LIMD1: variants seen among roughly 807,000 people sequenced by gnomAD.
LIMD1 encodes LIM domain containing 1, also known as LIM domain-containing protein 1.
A neutral mutation model predicts 58.4 loss-of-function variants in LIMD1; 23 were observed. That is an observed-to-expected ratio of 0.39 (90% confidence interval 0.28 to 0.56). LIMD1 has a LOEUF of 0.56. Among genes scored for constraint, LIMD1 ranks in the 20% least tolerant of loss-of-function variants. The pLI, the probability that LIMD1 is intolerant of heterozygous loss-of-function variation, is 0.57. For synonymous variants in LIMD1, 334 were observed against 345.5 expected, an observed-to-expected ratio of 0.97 and a Z score of 0.37; for missense variants, 838 against 855.5, an observed-to-expected ratio of 0.98 and a Z score of 0.25.
intron 1 of LIMD1, among the ~76,000 whole-genome samples, chr3:45,634,651 C>T (rs1413762305): frequency 6.6e-6 from 1 of 152,218 alleles, no homozygotes; most frequent in Non-Finnish European, 1.5e-5. Context: ...CATTTTCTAG[C>T]CCAACATCGG....
chr3:45,612,515 T>A (rs1575345555), intron 1 of LIMD1, among the ~76,000 whole-genome samples: 1 of 152,066 alleles, frequency 6.6e-6, no homozygotes, highest in East Asian at 1.9e-4. Context: ...CACTTCTTGA[T>A]AGGAGGAGTG....
intron 2 of LIMD1, among the ~76,000 whole-genome samples, chr3:45,664,436 C>A (rs953310054): frequency 2.0e-5 from 3 of 152,168 alleles, no homozygotes; most frequent in African/African-American, 7.2e-5. Context: ...AAGTATGAAG[C>A]TGACTTAGCT....
At chr3:45,674,787 A>G (rs922613266) in intron 7 of LIMD1, among the ~76,000 whole-genome samples, 4 of 152,062 alleles carry the variant, frequency 2.6e-5, no homozygotes, top group African/African-American at 7.2e-5. Context: ...AGGCTGTTCT[A>G]TCTGCCTGAA....
In LIMD1 at chr3:45,636,219, A is replaced by G. The variant is rs764021392; in HGVS notation, c.1478A>G (p.Tyr493Cys). 12 of 1,612,984 alleles carry G rather than the reference A, an allele frequency of 7.4e-6. No homozygotes were observed. Among genetic ancestry groups the G allele is most frequent in the Non-Finnish European group, 1.0e-5 (12 of 1,179,520 alleles). Residue 493 changes from tyrosine to cysteine, a missense_variant, in exon 2 of 8, where the codon TAC becomes TGC. Transcript: ENST00000273317. ...GQACQAMGNL[Y>C]HDTCFTCAAC... is the part of the protein sequence containing the mutation. ...GCCTGTCAGGCCATGGGGAACCTCT[A>G]CCATGACACATGCTTCACCTGTGCA...
rs914406150 is a variant in LIMD1, at chr3:45,677,800, G to C, written c.*741G>C. Reference sequence around the variant, plus strand: ...CCTATGTGAGTAAAACATACTTTGGGAGAAGAACTTGGTGCAGGCACCAGG... The same window carrying C: ...CCTATGTGAGTAAAACATACTTTGGCAGAAGAACTTGGTGCAGGCACCAGG... On this transcript the variant is annotated 3_prime_UTR_variant, in exon 8 of 8. Transcript: ENST00000273317. 3 of 152,186 alleles carry C rather than the reference G, an allele frequency of 2.0e-5. No homozygotes were observed. Among genetic ancestry groups the C allele is most frequent in the Non-Finnish European group, 4.4e-5 (3 of 68,042 alleles). The allele number at this position is 152,186 out of a possible 1,614,324, so 9.4% of individuals were successfully genotyped here. A position where few individuals can be genotyped will look rare whatever the true frequency, so the allele number is the denominator to read the frequency against.
chr3:45,635,818 A>T (rs1293712107), intron 1 of LIMD1: 2 of 866,982 alleles, frequency 2.3e-6, no homozygotes, highest in Non-Finnish European at 2.8e-6. Context: ...TGATGGTGCA[A>T]TCTTTCTGAA....
At chr3:45,662,506 C>T (rs1031785713) in intron 2 of LIMD1, among the ~76,000 whole-genome samples, 1 of 152,098 alleles carries the variant, frequency 6.6e-6, no homozygotes, top group Non-Finnish European at 1.5e-5. Context: ...CCAGAATGCA[C>T]AGACATTTTT....
chr3:45,608,468 C>A (rs1194104420), intron 1 of LIMD1, among the ~76,000 whole-genome samples: 1 of 152,134 alleles, frequency 6.6e-6, no homozygotes, highest in Non-Finnish European at 1.5e-5. Flanking sequence ...AGTGAAGAAG[C>A]CTGAGTTGGG....
In LIMD1 at chr3:45,660,572, T is replaced by C. The variant is rs985686099; in HGVS notation, c.1511-5078T>C. ...CTAGGATTATAGGCGCGTGCCACCA[T>C]GCCAAGCTAATTTTTGTATTTTTAG... On this transcript the variant is annotated intron_variant, in intron 2 of 7. Coordinates refer to ENST00000273317, the MANE Select transcript of LIMD1 (RefSeq NM_014240.3). 2.0e-5 allele frequency among the ~76,000 whole-genome samples: 3 copies of C among 152,236 alleles called. No individual in the cohort carries two copies. The East Asian group carries it at 5.8e-4, about 29-fold the overall frequency.
At chr3:45,601,224 AGAG>A (rs1701408653) in intron 1 of LIMD1, among the ~76,000 whole-genome samples, 1 of 152,176 alleles carries the variant, frequency 6.6e-6, no homozygotes. Context: ...AGGAGTGGGT[AGAG>A]GAGAGCTGAG....
chr3:45,631,275 G>T (rs1701730683), intron 1 of LIMD1, among the ~76,000 whole-genome samples: 1 of 151,392 alleles, frequency 6.6e-6, no homozygotes. Flanking sequence ...CTGCACTCCA[G>T]CCTGGCGACA....
At chr3:45,660,071 C>A (rs963237889) in intron 2 of LIMD1, among the ~76,000 whole-genome samples, 4 of 152,214 alleles carry the variant, frequency 2.6e-5, no homozygotes, top group Admixed American at 6.5e-5. Flanking sequence ...TTACACAAAA[C>A]GTTGATTTCC....
chr3:45,665,454 C>T (rs1697503409), intron 2 of LIMD1, among the ~76,000 whole-genome samples, 196 bp from the exon 3 acceptor site: 1 of 152,158 alleles, frequency 6.6e-6, no homozygotes, highest in African/African-American at 2.4e-5. Flanking sequence ...TGCCAGGGCA[C>T]CCTTCCTCCC....
chr3:45,602,269 C>T (rs766498908), intron 1 of LIMD1, among the ~76,000 whole-genome samples: 1 of 152,020 alleles, frequency 6.6e-6, no homozygotes, highest in Non-Finnish European at 1.5e-5. Flanking sequence ...CTTTTGTGTC[C>T]CCTGGACCTG....
In LIMD1 at chr3:45,685,061, T is replaced by C. The variant is rs559911591; in HGVS notation, c.*8002T>C. The C allele has an allele frequency of 6.6e-6, 1 of 151,694 alleles. No individual in the cohort carries two copies. The highest frequency in any genetic ancestry group is 2.1e-4 in the South Asian group (1 of 4,826). The allele number at this position is 151,694 out of a possible 1,614,324, so 9.4% of individuals were successfully genotyped here. On this transcript the variant is annotated 3_prime_UTR_variant, in exon 8 of 8. Coordinates refer to ENST00000273317, the MANE Select transcript of LIMD1 (RefSeq NM_014240.3). ...CCCTAAAAGTAGGTTGTAGAGATTA[T>C]TTGGATGTGCCAACAAGCTTCATCT...
At chr3:45,624,436 G>C (rs780744875) in intron 1 of LIMD1, among the ~76,000 whole-genome samples, 3 of 152,072 alleles carry the variant, frequency 2.0e-5, no homozygotes, top group Non-Finnish European at 4.4e-5. Context: ...GGCCAGGCGC[G>C]GTGTCTCACG....
intron 2 of LIMD1, among the ~76,000 whole-genome samples, chr3:45,663,924 G>A (rs1049164022): frequency 2.0e-4 from 29 of 144,244 alleles, no homozygotes; most frequent in African/African-American, 7.2e-4. Flanking sequence ...AGGCTGGAGT[G>A]CAGTGGCATG....
At chr3:45,641,771 G>C (rs1370539587) in intron 2 of LIMD1, among the ~76,000 whole-genome samples, 1 of 152,208 alleles carries the variant, frequency 6.6e-6, no homozygotes, top group African/African-American at 2.4e-5. Flanking sequence ...ATCTTCCTGG[G>C]TCCTTGTCCC....
At chr3:45,637,038 G>A (rs1487411880) in intron 2 of LIMD1, among the ~76,000 whole-genome samples, 2 of 152,240 alleles carry the variant, frequency 1.3e-5, no homozygotes, top group African/African-American at 2.4e-5. Flanking sequence ...CAACTAAAAG[G>A]GAATGTTACA....
Sources: allele counts gnomAD v4.1 joint callset (sites outside exome capture counted in the v4.1 genomes callset), GRCh38; gene constraint gnomAD v4.1.1; transcripts MANE v1.5; gene names NCBI Gene and HGNC (gene_info 2026-07-23, HGNC 2026-07-21).